The following KMO variants were observed in gnomAD, a reference collection of about 807,000 sequenced individuals.
KMO encodes the protein kynurenine 3-hydroxylase.
In KMO, 24 loss-of-function variants were observed where a neutral mutation model predicts 57.8. The ratio of observed to expected loss-of-function variants is 0.42; its 90% confidence interval spans 0.30 to 0.58. The LOEUF (loss-of-function observed/expected upper bound fraction) is 0.58, where lower values mean the gene tolerates loss of function less well. Ranked by LOEUF, KMO falls within the 20% of genes least tolerant of loss-of-function variation. The pLI, the probability that KMO is intolerant of heterozygous loss-of-function variation, is 0.22. For missense variants in KMO, 483 were observed against 588.2 expected, an observed-to-expected ratio of 0.82 and a Z score of 1.85; for synonymous variants, 210 against 193.6, an observed-to-expected ratio of 1.08 and a Z score of -0.70.
intron 10 of KMO, among the ~76,000 whole-genome samples, chr1:241,581,495 A>G (rs780871801): frequency 1.9e-4 from 29 of 152,000 alleles, no homozygotes; most frequent in Non-Finnish European, 3.7e-4. Flanking sequence ...TGTACCTATC[A>G]TAGGTTTTTG....
intron 1 of KMO, 42 bp downstream of exon 1, chr1:241,532,540 A>G: frequency 7.3e-7 from 1 of 1,371,918 alleles, no homozygotes; most frequent in Non-Finnish European, 1.0e-6. Context: ...GTGGTATTAT[A>G]TTAACTATTA....
At chr1:241,572,985 G>A (rs950101074) in intron 10 of KMO, among the ~76,000 whole-genome samples, 7 of 152,108 alleles carry the variant, frequency 4.6e-5, no homozygotes, top group African/African-American at 7.2e-5. Context: ...TTTTACGGTT[G>A]AGTAGTATTC....
At chr1:241,557,226 A>G (rs1298843518) in intron 5 of KMO, among the ~76,000 whole-genome samples, 10 of 152,228 alleles carry the variant, frequency 6.6e-5, no homozygotes, top group African/African-American at 2.4e-4. Context: ...TGGTTTGCGT[A>G]GTTGATCCAG....
At chr1:241,534,875 C>G (rs373792969) in intron 1 of KMO, among the ~76,000 whole-genome samples, 22 of 152,194 alleles carry the variant, frequency 1.4e-4, no homozygotes, top group Non-Finnish European at 1.2e-4. Context: ...AAGGTCTTGT[C>G]TGAACTAAGC....
intron 9 of KMO, among the ~76,000 whole-genome samples, chr1:241,567,458 C>T (rs576763848): frequency 6.6e-6 from 1 of 152,240 alleles, no homozygotes; most frequent in African/African-American, 2.4e-5. Flanking sequence ...ACTCCCAAGA[C>T]CTAATCACCA....
rs546763742 is a variant in KMO at position 241,546,844 on chromosome 1, A to T, written c.55-1985A>T. The stretch of plus-strand genomic sequence containing the variant: ...AAACAGATCTGGATAGGAAATATAC[A>T]TTTTCACATCATCATGGATGGAGAA... On this transcript the variant is annotated intron_variant, in intron 1 of 14. Coordinates refer to ENST00000366559, the MANE Select transcript of KMO (RefSeq NM_003679.5). Among the ~76,000 whole-genome samples the T allele has an allele frequency of 3.7e-3, 558 of 152,288 alleles. 7 individuals carry two copies. The highest frequency in any genetic ancestry group is 0.013 in the African/African-American group (536 of 41,560).
At position 241,579,467 on chromosome 1, in the gene KMO, G is replaced by A. The variant is rs569271445; in HGVS notation, c.958-7212G>A. Reference sequence around the variant, plus strand: ...ACAGTTTTCTGGCCACTAAGGTAACGCTTCAGGGATGAGGACAACTGCCTC... The same window carrying A: ...ACAGTTTTCTGGCCACTAAGGTAACACTTCAGGGATGAGGACAACTGCCTC... On this transcript the variant is annotated intron_variant, in intron 10 of 14. Transcript: ENST00000366559. Among the ~76,000 whole-genome samples the A allele has an allele frequency of 2.0e-5, 3 of 152,174 alleles. No homozygotes were observed. In the South Asian group the frequency reaches 6.2e-4, roughly 32 times the overall value.
intron 1 of KMO, among the ~76,000 whole-genome samples, chr1:241,542,680 C>T (rs558832699): frequency 6.6e-6 from 1 of 152,344 alleles, no homozygotes; most frequent in South Asian, 2.1e-4. Context: ...GCTGTCTAAC[C>T]CTGCCCAATT....
At chr1:241,553,405 G>C (rs1185082667) in intron 4 of KMO, among the ~76,000 whole-genome samples, 1 of 152,156 alleles carries the variant, frequency 6.6e-6, no homozygotes, top group Non-Finnish European at 1.5e-5. Flanking sequence ...TCATAATTTG[G>C]GCCAAGCACA....
Position 241,543,422 on chromosome 1 carries a change from T to C in KMO, c.55-5407T>C, listed in dbSNP as rs371545542. ...ATCATGCAGTATAAAATTATCTGAG[T>C]CTTATTTTTTCACTTATAGTCTTGC... On this transcript the variant is annotated intron_variant, in intron 1 of 14. Transcript: ENST00000366559. Among the ~76,000 whole-genome samples, 31 of 152,298 alleles carry C rather than the reference T, an allele frequency of 2.0e-4. No homozygotes were observed. The South Asian group carries it at 5.0e-3, about 24-fold the overall frequency.
At chr1:241,578,140 G>A (rs757582434) in intron 10 of KMO, among the ~76,000 whole-genome samples, 2 of 152,140 alleles carry the variant, frequency 1.3e-5, no homozygotes, top group Admixed American at 6.5e-5. Flanking sequence ...CTGTCTATAG[G>A]CCACCCTTAC....
At chr1:241,541,005 G>A (rs2147941257) in intron 1 of KMO, among the ~76,000 whole-genome samples, 1 of 152,244 alleles carries the variant, frequency 6.6e-6, no homozygotes, top group East Asian at 1.9e-4. Context: ...AGGTTGCAGT[G>A]AACTATGATC....
At chr1:241,541,828 C>T (rs189318038) in intron 1 of KMO, among the ~76,000 whole-genome samples, 4 of 152,242 alleles carry the variant, frequency 2.6e-5, no homozygotes, top group East Asian at 3.9e-4. Flanking sequence ...AATCTTGAGA[C>T]GTCAAACTAT....
rs150131547 is a variant in KMO, at chr1:241,551,377, A to C, written c.312+333A>C. Among the ~76,000 whole-genome samples the C allele has an allele frequency of 1.2e-3, 176 of 152,334 alleles. 3 individuals carry two copies. In the South Asian group the frequency reaches 0.022, roughly 19 times the overall value. On this transcript the variant is annotated intron_variant, in intron 4 of 14. Transcript: ENST00000366559. ...GAAGATGACTATCTTATTTGTCGTC[A>C]AGCATAATGTACAAGAACAATCTAG...
chr1:241,563,274 A>T (rs543795092), intron 7 of KMO, among the ~76,000 whole-genome samples: 1 of 152,292 alleles, frequency 6.6e-6, no homozygotes, highest in Non-Finnish European at 1.5e-5. Flanking sequence ...GTTAAGAAAA[A>T]ATTGCTAACA....
At chr1:241,562,889 A>C (rs1233012436) in intron 7 of KMO, among the ~76,000 whole-genome samples, 44 of 85,702 alleles carry the variant, frequency 5.1e-4, no homozygotes, top group South Asian at 8.9e-4. Flanking sequence ...GAAGGAAGGA[A>C]GGAAGGAAGG....
At chr1:241,566,385 A>G (rs1200825811) in intron 8 of KMO, 106 bp from the exon 9 acceptor site, 1 of 1,245,302 alleles carries the variant, frequency 8.0e-7, no homozygotes, top group Non-Finnish European at 1.1e-6. Context: ...CATTCCTTCC[A>G]AAAGCTCCCT....
chr1:241,594,316 CA>C lies in KMO; in HGVS notation c.*2164del. 1 of 1,220,700 alleles carries C rather than the reference CA, an allele frequency of 8.2e-7. No individual in the cohort carries two copies. The highest frequency in any genetic ancestry group is 1.5e-5 in the South Asian group (1 of 66,978). The allele number at this position is 1,220,700 out of a possible 1,614,324, so 75.6% of individuals were successfully genotyped here. A position where few individuals can be genotyped will look rare whatever the true frequency, so the allele number is the denominator to read the frequency against. On this transcript the variant is annotated 3_prime_UTR_variant, in exon 15 of 15. Transcript: ENST00000366559. ...GGGCAATTCGGATTTCCTGCTGGAC[CA>C]CAAGGTTCTGTTGATATTACATAGA... is the stretch of plus-strand genomic sequence containing the variant.
intron 4 of KMO, among the ~76,000 whole-genome samples, chr1:241,552,716 G>A (rs886661863): frequency 6.6e-6 from 1 of 152,184 alleles, no homozygotes; most frequent in African/African-American, 2.4e-5. Flanking sequence ...GATGGCACGG[G>A]CGATAATTTA....
Sources: allele counts gnomAD v4.1 joint callset (sites outside exome capture counted in the v4.1 genomes callset), GRCh38; gene constraint gnomAD v4.1.1; transcripts MANE v1.5; gene names NCBI Gene and HGNC (gene_info 2026-07-23, HGNC 2026-07-21).